The following GK variants were observed in gnomAD, a reference collection of about 807,000 sequenced individuals.
GK encodes the protein glycerol kinase.
A neutral mutation model predicts 56.4 loss-of-function variants in GK; 9 were observed. The observed-to-expected ratio is 0.16, with a 90% CI of 0.10 to 0.28. The LOEUF is 0.28. Among genes scored for constraint, GK ranks in the 10% least tolerant of loss-of-function variants. The pLI, the probability that GK is intolerant of heterozygous loss-of-function variation, is 1.00. For synonymous variants in GK, 104 were observed against 144.1 expected (o/e 0.72, Z 1.99); for missense variants, 161 against 431.4 (o/e 0.37, Z 5.55).
At chrX:30,691,264 C>A (rs980206215) in intron 5 of GK, 65 bp downstream of exon 5, 2 of 611,811 alleles carry the variant, frequency 3.3e-6, no homozygotes, top group South Asian at 2.5e-5. Context: ...TTGCAGATTT[C>A]ACTAGAAAGA....
chrX:30,672,958 T>TTA (rs1569147704), intron 3 of GK, among the ~76,000 whole-genome samples: 2 of 112,265 alleles, frequency 1.8e-5, no homozygotes, highest in Non-Finnish European at 3.8e-5. Flanking sequence ...TAATTATATG[T>TTA]TATGATTTTA....
chrX:30,657,201 T>C (rs2147119900), intron 1 of GK, among the ~76,000 whole-genome samples: 1 of 112,843 alleles, frequency 8.9e-6, no homozygotes, highest in African/African-American at 3.2e-5. Context: ...AAAACATTCT[T>C]GGGTACGTTT....
intron 5 of GK, among the ~76,000 whole-genome samples, chrX:30,692,098 T>C (rs1239562014): frequency 9.0e-6 from 1 of 111,080 alleles, no homozygotes; most frequent in Non-Finnish European, 1.9e-5. Flanking sequence ...TGTTTTGTTG[T>C]TGTTTATCCC....
chrX:30,725,568 T>C (rs1478474847), intron 19 of GK, among the ~76,000 whole-genome samples: 2 of 112,402 alleles, frequency 1.8e-5, no homozygotes, highest in Non-Finnish European at 3.8e-5. Context: ...TTATTGCTTA[T>C]AGGAAATTGA....
intron 3 of GK, among the ~76,000 whole-genome samples, chrX:30,675,341 G>A (rs113477699): frequency 0.053 from 5,533 of 104,526 alleles, 170 homozygotes; most frequent in Non-Finnish European, 0.077. Context: ...GACTACAGGC[G>A]CCCACCACCA....
rs145325340 is a variant in GK, at chrX:30,666,191, A to G, written c.152+607A>G. Among the ~76,000 whole-genome samples, 273 of 111,927 alleles carry G rather than the reference A, an allele frequency of 2.4e-3. 4 individuals are homozygous for G. In the East Asian group the frequency reaches 0.068, roughly 28 times the overall value. On this transcript the variant is annotated intron_variant, in intron 2 of 20. Transcript: ENST00000427190. ...CATATGCCCATCGAAAGACTTGCACATGAATGTTTATAGCTACTTTATTAA... is the reference window on the plus strand; with the variant it reads ...CATATGCCCATCGAAAGACTTGCACGTGAATGTTTATAGCTACTTTATTAA...
intron 4 of GK, chrX:30,689,584 C>T (rs750420140): frequency 9.1e-6 from 3 of 329,096 alleles, no homozygotes; most frequent in Admixed American, 6.3e-5. Flanking sequence ...GCATATTCAA[C>T]TCCCACTTCA....
intron 11 of GK, among the ~76,000 whole-genome samples, chrX:30,704,128 TTATATATATA>T (rs752736589): frequency 1.3e-5 from 1 of 74,936 alleles, no homozygotes; most frequent in Admixed American, 1.4e-4. Flanking sequence ...GTTATTCATT[TTATATATATA>T]TATATATATA....
intron 1 of GK, among the ~76,000 whole-genome samples, chrX:30,665,003 T>C (rs1932978263): frequency 9.0e-6 from 1 of 111,334 alleles, no homozygotes; most frequent in East Asian, 2.8e-4. Flanking sequence ...CCGTGTCTGG[T>C]CTTCTATTTC....
In GK at chrX:30,700,184, G is replaced by T. The variant is rs967852365; in HGVS notation, c.748-230G>T. 2.4e-5 allele frequency: 9 copies of T among 369,044 alleles called. No individual in the cohort carries two copies. The highest frequency in any genetic ancestry group is 4.2e-5 in the Non-Finnish European group (9 of 212,528). 30.4% of individuals were successfully genotyped at this position (369,044 alleles called of 1,213,427 possible). On this transcript the variant is annotated intron_variant, in intron 9 of 20. Coordinates refer to ENST00000427190, the MANE Select transcript of GK (RefSeq NM_001205019.2). The stretch of plus-strand genomic sequence containing the variant: ...CCAAGAGTAGAGCCCTCATTTACTG[G>T]CTCCCAGTCTAACGTTTTATGTTCA...
intron 9 of GK, 96 bp downstream of exon 9, chrX:30,697,845 A>G: frequency 1.6e-6 from 1 of 628,460 alleles, no homozygotes; most frequent in Admixed American, 2.2e-5. Flanking sequence ...CATTTACTAA[A>G]CATATATATC....
At chrX:30,659,951 G>A (rs937013698) in intron 1 of GK, among the ~76,000 whole-genome samples, 85 of 111,559 alleles carry the variant, frequency 7.6e-4, no homozygotes, top group African/African-American at 2.8e-3. Flanking sequence ...GTTTTACCAT[G>A]TTGGCCAGGC....
At chrX:30,712,717 C>CTTTTTTTTTTTTTTTTT (rs769269247) in intron 13 of GK, among the ~76,000 whole-genome samples, 3 of 48,436 alleles carry the variant, frequency 6.2e-5, no homozygotes, top group African/African-American at 9.7e-5. Context: ...TTTTTCTTTT[C>CTTTTTTTTTTTTTTTTT]TTTTTTTTTT....
rs192545164 is a variant in GK at position 30,666,377 on chromosome X, T to C, written c.152+793T>C. ...AATGAAAAAGTTGGATACAAAAGAG[T>C]ATATACTGCATGACTCCATTTATCT... On this transcript the variant is annotated intron_variant, in intron 2 of 20. Coordinates refer to ENST00000427190, the MANE Select transcript of GK (RefSeq NM_001205019.2). Among the ~76,000 whole-genome samples, 6 of 111,280 alleles carry C rather than the reference T, an allele frequency of 5.4e-5. No homozygotes were observed. In the East Asian group the frequency reaches 1.7e-3, roughly 31 times the overall value.
rs1935285446 is a variant in GK, at chrX:30,697,070, A to G, written c.729+387A>G. On this transcript the variant is annotated intron_variant, in intron 8 of 20. Transcript: ENST00000427190. Reference sequence around the variant, plus strand: ...GTTGAATCTTTTTTATGGCCAAGCTATGTTATATATTAGATTCTTTGCCTG... The same window carrying G: ...GTTGAATCTTTTTTATGGCCAAGCTGTGTTATATATTAGATTCTTTGCCTG... Among the ~76,000 whole-genome samples the G allele has an allele frequency of 4.4e-5, 5 of 112,730 alleles. No individual in the cohort carries two copies. In the Admixed American group the frequency reaches 4.7e-4, roughly 11 times the overall value.
chrX:30,696,927 C>A (rs1271822709), intron 8 of GK: 5 of 364,410 alleles, frequency 1.4e-5, no homozygotes, highest in African/African-American at 1.0e-4. Flanking sequence ...GATACTCTAA[C>A]TTTAGATGTT....
rs772630214 is a variant in GK, at chrX:30,726,381, G to A, written c.1583-1085G>A. Among the ~76,000 whole-genome samples, 12 of 106,541 alleles carry A rather than the reference G, an allele frequency of 1.1e-4. No individual in the cohort carries two copies. In the South Asian group the frequency reaches 3.9e-3, roughly 35 times the overall value. 92.5% of individuals were successfully genotyped at this position (106,541 alleles called of 115,157 possible). ...CTGCTCACCGCAACCTCCACCTCCC[G>A]GGTTCAAGCAATTCTCCTGCCTCAG... On this transcript the variant is annotated intron_variant, in intron 19 of 20. Coordinates refer to ENST00000427190, the MANE Select transcript of GK (RefSeq NM_001205019.2).
intron 13 of GK, among the ~76,000 whole-genome samples, chrX:30,712,278 C>T (rs1350423573): frequency 9.0e-6 from 1 of 111,620 alleles, no homozygotes; most frequent in Non-Finnish European, 1.9e-5. Context: ...TTGTATATGC[C>T]TCCTGATGTA....
intron 3 of GK, among the ~76,000 whole-genome samples, chrX:30,673,127 T>C (rs1435460607): frequency 8.9e-6 from 1 of 111,907 alleles, no homozygotes; most frequent in Non-Finnish European, 1.9e-5. Context: ...GGATTTTGAG[T>C]GTAGCTTTTA....
Sources: allele counts gnomAD v4.1 joint callset (sites outside exome capture counted in the v4.1 genomes callset), GRCh38; gene constraint gnomAD v4.1.1; transcripts MANE v1.5; gene names NCBI Gene and HGNC (gene_info 2026-07-23, HGNC 2026-07-21).